SCUBE1: variants seen among roughly 807,000 people sequenced by gnomAD.
SCUBE1 encodes signal peptide, CUB domain and EGF like domain containing 1.
A neutral mutation model predicts 124.4 loss-of-function variants in SCUBE1; 59 were observed. That is an observed-to-expected ratio of 0.47 (90% confidence interval 0.38 to 0.59). SCUBE1 has a LOEUF of 0.59. Ranked by LOEUF, SCUBE1 falls within the 20% of genes least tolerant of loss-of-function variation. The probability of loss-of-function intolerance (pLI) is 0.00; values close to 1 mark genes in which losing one functional copy is unlikely to be tolerated. For missense variants in SCUBE1, 1,150 were observed against 1,371.2 expected (o/e 0.84, Z 2.55); for synonymous variants, 545 against 550.9 (o/e 0.99, Z 0.15).
chr22:43,212,766 T>G (rs1921626483), intron 16 of SCUBE1, 174 bp from the exon 17 acceptor site: 3 of 647,158 alleles, frequency 4.6e-6, no homozygotes, highest in Non-Finnish European at 5.2e-6. Context: ...TGCAGGAAGC[T>G]GGGCCCTGGT....
intron 3 of SCUBE1, among the ~76,000 whole-genome samples, chr22:43,301,679 C>G (rs1339055542): frequency 6.6e-6 from 1 of 152,204 alleles, no homozygotes; most frequent in African/African-American, 2.4e-5. Context: ...CACCTGGAAT[C>G]TTCCTTGTGA....
intron 2 of SCUBE1, among the ~76,000 whole-genome samples, chr22:43,328,634 C>T (rs1013746371): frequency 1.3e-5 from 2 of 152,186 alleles, no homozygotes; most frequent in Non-Finnish European, 2.9e-5. Context: ...ATCAGGGGCT[C>T]ATGGCAATTT....
chr22:43,279,236 G>GC lies in SCUBE1; in HGVS notation c.484+11809dup, dbSNP rs1924661204. ...ACTCTCAGGTAACCTTTGTCAAGGA[G>GC]CCCCCAGCCAGTCCTGAGACAGCTG... On this transcript the variant is annotated intron_variant, in intron 4 of 21. Transcript: ENST00000360835. 4.6e-5 allele frequency among the ~76,000 whole-genome samples: 7 copies of GC among 152,296 alleles called. 1 individual carries two copies. Among genetic ancestry groups the GC allele is most frequent in the African/African-American group, 1.7e-4 (7 of 41,562 alleles).
Position 43,210,060 on chromosome 22 carries a change from A to G in SCUBE1, c.2564T>C (p.Leu855Pro). 6.2e-7 allele frequency: 1 copy of G among 1,609,012 alleles called. No homozygotes were observed. The highest frequency in any genetic ancestry group is 8.5e-7 in the Non-Finnish European group (1 of 1,177,650). ...CAACATACCACTCTTCCTCATGACC[A>G]GAACATCGCCGCACTCATCCTCGAT... Reference protein sequence around the residue: ...LPIEDECGDVLVMRKSASPTS... With the variant: ...LPIEDECGDVPVMRKSASPTS... The change falls in exon 19 of 22, where the codon CTG (leucine) becomes CCG (proline). Residue 855 changes from leucine (L) to proline (P), a missense_variant. Coordinates refer to ENST00000360835, the MANE Select transcript of SCUBE1 (RefSeq NM_173050.5). The surrounding 1 kb of genome is among the most constrained non-coding windows in gnomAD (Gnocchi z 4.5).
At chr22:43,256,935 G>C (rs1923684180) in intron 6 of SCUBE1, among the ~76,000 whole-genome samples, 2 of 152,202 alleles carry the variant, frequency 1.3e-5, no homozygotes, top group African/African-American at 4.8e-5. Flanking sequence ...TGGTTGATTT[G>C]GTTTGGCTTT....
intron 16 of SCUBE1, among the ~76,000 whole-genome samples, chr22:43,212,968 CAGA>C (rs1235530274): frequency 6.6e-6 from 1 of 152,112 alleles, no homozygotes; most frequent in African/African-American, 2.4e-5. Flanking sequence ...GGGGTCTCCG[CAGA>C]AGGAGCACCT....
intron 14 of SCUBE1, 122 bp from the exon 15 acceptor site, chr22:43,218,580 A>C: frequency 4.0e-6 from 4 of 989,968 alleles, no homozygotes; most frequent in Non-Finnish European, 6.0e-6. Context: ...GCACATTCTC[A>C]CAACAGTCCT....
intron 15 of SCUBE1, among the ~76,000 whole-genome samples, chr22:43,217,061 T>G (rs1430608278): frequency 9.1e-5 from 4 of 43,760 alleles, no homozygotes; most frequent in African/African-American, 6.5e-4. Context: ...ACCAACAGCT[T>G]CCCCACCCTG....
intron 4 of SCUBE1, among the ~76,000 whole-genome samples, chr22:43,285,030 G>T (rs1925081481): frequency 6.6e-6 from 1 of 152,172 alleles, no homozygotes; most frequent in African/African-American, 2.4e-5. Context: ...ACGCACTTGG[G>T]TAAACTCATG....
chr22:43,210,862 C>T lies in SCUBE1; in HGVS notation c.2383+60G>A. On this transcript the variant is annotated intron_variant, in intron 18 of 21. Coordinates refer to ENST00000360835, the MANE Select transcript of SCUBE1 (RefSeq NM_173050.5). The surrounding 1 kb of genome is among the most constrained non-coding windows in gnomAD (Gnocchi z 4.5). ...GTGAGATCAGGTCTCCTCCCGCCCC[C>T]ACAACCTGCCCAGCCCCTCCCGTGT... is the stretch of plus-strand genomic sequence containing the variant. 1.2e-6 allele frequency: 2 copies of T among 1,600,476 alleles called. No homozygotes were observed. Among genetic ancestry groups the T allele is most frequent in the Non-Finnish European group, 1.7e-6 (2 of 1,169,944 alleles).
intron 5 of SCUBE1, among the ~76,000 whole-genome samples, chr22:43,259,983 A>T (rs1923812381): frequency 6.6e-6 from 1 of 152,158 alleles, no homozygotes; most frequent in African/African-American, 2.4e-5. Flanking sequence ...CCAGGAAGGA[A>T]CCCAGGGAAG....
At chr22:43,293,309 AC>A (rs1305778441) in intron 3 of SCUBE1, among the ~76,000 whole-genome samples, 5 of 152,158 alleles carry the variant, frequency 3.3e-5, no homozygotes, top group Admixed American at 3.3e-4. Context: ...CATGTTATTG[AC>A]CCCATTTTAC....
At chr22:43,231,976 G>A in intron 7 of SCUBE1, 101 bp from the exon 8 acceptor site, 5 of 1,432,514 alleles carry the variant, frequency 3.5e-6, no homozygotes, top group South Asian at 1.2e-5. Context: ...ACACTGCCCT[G>A]AGTTGCCTGG....
At chr22:43,289,354 G>A in intron 4 of SCUBE1, among the ~76,000 whole-genome samples, 1 of 152,226 alleles carries the variant, frequency 6.6e-6, no homozygotes, top group Admixed American at 6.5e-5. Flanking sequence ...GGTCTTACAA[G>A]GCGCAAAACA....
chr22:43,298,882 C>T (rs568695800), intron 3 of SCUBE1, among the ~76,000 whole-genome samples: 3 of 152,074 alleles, frequency 2.0e-5, no homozygotes, highest in African/African-American at 7.2e-5. Flanking sequence ...GAAACCCTGT[C>T]TCTACTAAAA....
Position 43,260,706 on chromosome 22 carries a change from C to G in SCUBE1, c.610+2014G>C, listed in dbSNP as rs901849128. Among the ~76,000 whole-genome samples, 3 of 152,254 alleles carry G rather than the reference C, an allele frequency of 2.0e-5. No homozygotes were observed. In the South Asian group the frequency reaches 6.2e-4, roughly 31 times the overall value. Reference sequence around the variant, plus strand: ...GGCCCCAGAAATCACATCGGGCTCTCCATACCTTGGTGATATTCAGCCACC... The same window carrying G: ...GGCCCCAGAAATCACATCGGGCTCTGCATACCTTGGTGATATTCAGCCACC... On this transcript the variant is annotated intron_variant, in intron 5 of 21. Transcript: ENST00000360835.
chr22:43,329,210 C>T (rs1287279850), intron 2 of SCUBE1, among the ~76,000 whole-genome samples: 3 of 152,252 alleles, frequency 2.0e-5, no homozygotes, highest in Non-Finnish European at 4.4e-5. Context: ...TGCCCACAAA[C>T]TCTCGTGCTC....
intron 1 of SCUBE1, among the ~76,000 whole-genome samples, chr22:43,340,652 G>A (rs753098009): frequency 5.9e-5 from 9 of 152,050 alleles, no homozygotes; most frequent in Non-Finnish European, 1.0e-4. Flanking sequence ...CCAGTGAGGT[G>A]AAATCTGTTA....
chr22:43,229,428 C>G (rs1170044527), intron 8 of SCUBE1, among the ~76,000 whole-genome samples: 1 of 152,208 alleles, frequency 6.6e-6, no homozygotes, highest in Non-Finnish European at 1.5e-5. Context: ...TGGAGACGAG[C>G]AGGGCAGAAA....
Sources: gnomAD v4.1 joint callset for allele counts (sites outside exome capture counted in the v4.1 genomes callset) on GRCh38, gnomAD v4.1.1 for gene constraint, Gnocchi (gnomAD v3.1) non-coding constraint, MANE v1.5 for transcripts, NCBI Gene and HGNC (gene_info 2026-07-23, HGNC 2026-07-21) for gene names.